Variants in ELP4 observed in about 807,000 individuals in gnomAD.
The protein encoded by ELP4 is elongator complex protein 4.
In ELP4, 51 loss-of-function variants were observed where a neutral mutation model predicts 48.9. The ratio of observed to expected loss-of-function variants is 1.04; its 90% CI spans 0.83 to 1.32. The LOEUF (loss-of-function observed/expected upper bound fraction) is 1.32, where lower values mean the gene tolerates loss of function less well. ELP4 is among the 40% of genes most tolerant of loss of function. ELP4 has a pLI of 0.00. For missense variants in ELP4, 519 were observed against 514.6 expected, an observed-to-expected ratio of 1.01 and a Z score of -0.08; for synonymous variants, 210 against 189.2, an observed-to-expected ratio of 1.11 and a Z score of -0.90.
At chr11:31,691,456 G>C (rs1324065427) in intron 9 of ELP4, among the ~76,000 whole-genome samples, 1 of 152,026 alleles carries the variant, frequency 6.6e-6, no homozygotes, top group South Asian at 2.1e-4. Context: ...TGGCCTTTGT[G>C]TAGATTAATG....
chr11:31,759,881 AT>A (rs919228384), intron 9 of ELP4, among the ~76,000 whole-genome samples: 2 of 151,620 alleles, frequency 1.3e-5, no homozygotes, highest in African/African-American at 4.8e-5. Context: ...TAATTTTTGT[AT>A]TTTTAGCAGA....
intron 9 of ELP4, among the ~76,000 whole-genome samples, chr11:31,759,588 T>C (rs2134251426): frequency 6.6e-6 from 1 of 152,334 alleles, no homozygotes; most frequent in East Asian, 1.9e-4. Flanking sequence ...CTCCACAAAG[T>C]ACAAAACAGC....
At chr11:31,567,729 T>G (rs1957134640) in intron 3 of ELP4, among the ~76,000 whole-genome samples, 1 of 152,194 alleles carries the variant, frequency 6.6e-6, no homozygotes, top group Non-Finnish European at 1.5e-5. Context: ...CCAGTGCATA[T>G]AAAGTTATGT....
chr11:31,545,668 A>G (rs925917849), intron 3 of ELP4, among the ~76,000 whole-genome samples: 2 of 152,156 alleles, frequency 1.3e-5, no homozygotes, highest in Non-Finnish European at 2.9e-5. Flanking sequence ...GAGCAACTGC[A>G]AGACACGTAA....
intron 3 of ELP4, among the ~76,000 whole-genome samples, chr11:31,590,650 G>A (rs976200845): frequency 2.0e-5 from 3 of 152,302 alleles, no homozygotes; most frequent in Non-Finnish European, 4.4e-5. Flanking sequence ...TCTGCAAGCT[G>A]TACAGAAAGC....
chr11:31,780,159 A>G (rs907974316), intron 9 of ELP4, among the ~76,000 whole-genome samples: 40 of 152,310 alleles, frequency 2.6e-4, no homozygotes, highest in African/African-American at 9.6e-4. Flanking sequence ...TCACCATGCT[A>G]TGCAGAGTAT....
intron 9 of ELP4, among the ~76,000 whole-genome samples, chr11:31,782,416 G>A (rs1052833926): frequency 2.0e-5 from 3 of 152,080 alleles, no homozygotes; most frequent in Non-Finnish European, 4.4e-5. Flanking sequence ...GTCATCAGTG[G>A]GGAGCCCTAT....
intron 4 of ELP4, among the ~76,000 whole-genome samples, chr11:31,601,504 A>G (rs1034047606): frequency 3.3e-5 from 5 of 152,102 alleles, no homozygotes; most frequent in African/African-American, 1.2e-4. Flanking sequence ...TGTGTTCTAT[A>G]TGTAAACTGT....
At chr11:31,752,530 A>G (rs986328842) in intron 9 of ELP4, among the ~76,000 whole-genome samples, 2 of 152,178 alleles carry the variant, frequency 1.3e-5, no homozygotes, top group African/African-American at 4.8e-5. Flanking sequence ...ATGGGAAAGA[A>G]GCAAGTATTA....
At chr11:31,696,118 G>A (rs1366428516) in intron 9 of ELP4, among the ~76,000 whole-genome samples, 1 of 151,980 alleles carries the variant, frequency 6.6e-6, no homozygotes, top group South Asian at 2.1e-4. Context: ...CAAAAAACCA[G>A]CTCCTGGATT....
At chr11:31,525,995 T>C (rs1956288829) in intron 2 of ELP4, among the ~76,000 whole-genome samples, 1 of 152,140 alleles carries the variant, frequency 6.6e-6, no homozygotes, top group Admixed American at 6.6e-5. Context: ...AACACCTATT[T>C]CATGTAAAAT....
intron 3 of ELP4, among the ~76,000 whole-genome samples, chr11:31,582,409 C>G (rs1225150428): frequency 6.6e-6 from 1 of 152,010 alleles, no homozygotes; most frequent in Non-Finnish European, 1.5e-5. Context: ...TTATTTTTTT[C>G]GCAAATCTGC....
intron 3 of ELP4, among the ~76,000 whole-genome samples, chr11:31,581,584 G>A (rs562200052): frequency 6.6e-6 from 1 of 152,142 alleles, no homozygotes; most frequent in East Asian, 1.9e-4. Context: ...GATTTTCTCT[G>A]TATTCCTTCT....
intron 3 of ELP4, among the ~76,000 whole-genome samples, chr11:31,582,001 G>A (rs950794569): frequency 3.9e-5 from 6 of 152,140 alleles, no homozygotes; most frequent in Admixed American, 1.3e-4. Flanking sequence ...TGAGCCTTCC[G>A]CCTTAGCCTC....
rs930915023 is a variant in ELP4, at chr11:31,682,458, T to A, written c.1143+32237T>A. Among the ~76,000 whole-genome samples the A allele has an allele frequency of 2.6e-5, 4 of 152,330 alleles. No homozygotes were observed. In the East Asian group the frequency reaches 7.7e-4, roughly 29 times the overall value. On this transcript the variant is annotated intron_variant, in intron 9 of 9. Transcript: ENST00000640961. ...ACATATTCAGAGTTGACTTCAAATC[T>A]CACCTGCTCCCTGAGCCTAGCCTAG...
chr11:31,680,077 A>C (rs918858498), intron 9 of ELP4, among the ~76,000 whole-genome samples: 4 of 152,028 alleles, frequency 2.6e-5, no homozygotes, highest in Non-Finnish European at 2.9e-5. Context: ...GTATCTGCCT[A>C]TCATTTCTAC....
chr11:31,589,067 A>G (rs546763960), intron 3 of ELP4, among the ~76,000 whole-genome samples: 3 of 152,326 alleles, frequency 2.0e-5, no homozygotes, highest in African/African-American at 7.2e-5. Flanking sequence ...GAATTGCAAC[A>G]TAATAGGGAT....
chr11:31,694,878 C>G (rs572918306), intron 9 of ELP4, among the ~76,000 whole-genome samples: 1 of 152,222 alleles, frequency 6.6e-6, no homozygotes, highest in East Asian at 1.9e-4. Context: ...TCCTTGACAT[C>G]CCTTGTAAGT....
intron 9 of ELP4, among the ~76,000 whole-genome samples, chr11:31,772,891 A>G (rs1948177088): frequency 6.6e-6 from 1 of 152,190 alleles, no homozygotes; most frequent in Admixed American, 6.5e-5. Context: ...AACTGCAAAA[A>G]TTATCTGCCT....
Sources: gnomAD v4.1 joint callset for allele counts (sites outside exome capture counted in the v4.1 genomes callset) on GRCh38, gnomAD v4.1.1 for gene constraint, MANE v1.5 for transcripts, NCBI Gene and HGNC (gene_info 2026-07-23, HGNC 2026-07-21) for gene names.